The following PCDHGA2 variants were observed in gnomAD, a reference collection of about 807,000 sequenced individuals.
The protein encoded by PCDHGA2 is protocadherin gamma-A2.
PCDHGA2 carries 40 observed loss-of-function variants against 59.2 expected under a neutral mutation model. The observed-to-expected ratio is 0.68, with a 90% CI of 0.52 to 0.88. The LOEUF (loss-of-function observed/expected upper bound fraction) is 0.88, where lower values mean the gene tolerates loss of function less well. PCDHGA2 is among the 40% of genes least tolerant of loss of function. The pLI, the probability that PCDHGA2 is intolerant of heterozygous loss-of-function variation, is 0.00. For synonymous variants in PCDHGA2, 560 were observed against 526.0 expected, an observed-to-expected ratio of 1.06 and a Z score of -0.89; for missense variants, 1,226 against 1,204.0, an observed-to-expected ratio of 1.02 and a Z score of -0.27.
At chr5:141,402,935 T>G in intron 1 of PCDHGA2, 1 of 1,587,712 alleles carries the variant, frequency 6.3e-7, no homozygotes, top group Non-Finnish European at 8.6e-7. Context: ...TTTGAGAAAA[T>G]TCCAAAGCGA....
chr5:141,352,565 G>T (rs1190505525), intron 1 of PCDHGA2: 2 of 1,613,802 alleles, frequency 1.2e-6, no homozygotes, highest in African/African-American at 1.3e-5. Flanking sequence ...CCTGACACCG[G>T]AAATGGCTCC....
rs933089146 is a variant in PCDHGA2, at chr5:141,490,786, A to G, written c.2425-4021A>G. ...GTATGTCAACCCAGAGGATGGACGGATCTTTGCCCAGCGTACCTTTGACTA... is the reference window on the plus strand; with the variant it reads ...GTATGTCAACCCAGAGGATGGACGGGTCTTTGCCCAGCGTACCTTTGACTA... On this transcript the variant is annotated intron_variant, in intron 1 of 3. Coordinates refer to ENST00000394576, the MANE Select transcript of PCDHGA2 (RefSeq NM_018915.4). This position sits in a 1 kb window ranked among gnomAD's most constrained non-coding sequence, Gnocchi z 5.4. The G allele has an allele frequency of 1.9e-6, 3 of 1,614,056 alleles. No individual in the cohort carries two copies. The highest frequency in any genetic ancestry group is 1.7e-5 in the Admixed American group (1 of 60,016).
chr5:141,407,989 T>G, intron 1 of PCDHGA2: 1 of 833,618 alleles, frequency 1.2e-6, no homozygotes, highest in Non-Finnish European at 1.8e-6. Flanking sequence ...TCCGTCAGCC[T>G]CTGGCCTGGG....
At chr5:141,457,532 T>C (rs2098923599) in intron 1 of PCDHGA2, among the ~76,000 whole-genome samples, 1 of 152,058 alleles carries the variant, frequency 6.6e-6, no homozygotes, top group Admixed American at 6.6e-5. Flanking sequence ...GAGACTAGGG[T>C]TTAATGACAA....
In PCDHGA2 at chr5:141,339,541, G is replaced by C; in HGVS notation, c.570G>C (p.Lys190Asn). The stretch of plus-strand genomic sequence containing the variant: ...TGCGAAGGGGAGCTGATGGGAACAA[G>C]TACCCAGAACTGGTGCTGGAGCGCT... ...LDVRRGADGN[K>N]YPELVLERSL... The change falls in exon 1 of 4, where the codon AAG becomes AAC. Residue 190 changes from lysine to asparagine, a missense_variant. By Grantham distance (94) the Lys-to-Asn change is moderately conservative (BLOSUM62 0). Transcript: ENST00000394576. 1 of 1,614,160 alleles carries C rather than the reference G, an allele frequency of 6.2e-7. No individual in the cohort carries two copies. Among genetic ancestry groups the C allele is most frequent in the Non-Finnish European group, 8.5e-7 (1 of 1,180,026 alleles).
At chr5:141,414,009 T>C in intron 1 of PCDHGA2, 1 of 1,612,964 alleles carries the variant, frequency 6.2e-7, no homozygotes, top group Middle Eastern at 1.7e-4. Context: ...AAGGTGCCAA[T>C]GGAGAAGTGA....
intron 1 of PCDHGA2, chr5:141,377,467 A>G (rs1170946460): frequency 1.3e-5 from 2 of 152,076 alleles, no homozygotes; most frequent in Non-Finnish European, 2.9e-5. Context: ...TGTGTGGCGT[A>G]CACCTGTAGT....
chr5:141,366,058 G>C, intron 1 of PCDHGA2: 2 of 1,614,242 alleles, frequency 1.2e-6, no homozygotes, highest in East Asian at 2.2e-5. Flanking sequence ...CGGGCGTGGA[G>C]CTGGCGCCTC....
At position 141,490,475 on chromosome 5, in the gene PCDHGA2, T is replaced by C. The variant is rs769951029; in HGVS notation, c.2425-4332T>C. On this transcript the variant is annotated intron_variant, in intron 1 of 3. Coordinates refer to ENST00000394576, the MANE Select transcript of PCDHGA2 (RefSeq NM_018915.4). This position sits in a 1 kb window ranked among gnomAD's most constrained non-coding sequence, Gnocchi z 5.4. ...TACTCGCTGCTAACCAGCCAGCCTTTGGACCGGGAGGCCACATCCCACTAT... is the reference window on the plus strand; with the variant it reads ...TACTCGCTGCTAACCAGCCAGCCTTCGGACCGGGAGGCCACATCCCACTAT... The C allele has an allele frequency of 3.7e-6, 6 of 1,614,240 alleles. No individual in the cohort carries two copies. The highest frequency in any genetic ancestry group is 5.1e-6 in the Non-Finnish European group (6 of 1,180,038).
chr5:141,355,819 G>A (rs757822946), intron 1 of PCDHGA2: 2 of 1,613,058 alleles, frequency 1.2e-6, no homozygotes, highest in Middle Eastern at 1.6e-4. Context: ...GGAAGAGGCG[G>A]TTCACCACCT....
intron 1 of PCDHGA2, chr5:141,421,788 G>T: frequency 6.2e-7 from 1 of 1,613,800 alleles, no homozygotes; most frequent in Non-Finnish European, 8.5e-7. Flanking sequence ...GGGGCAGAAC[G>T]GATGGGGCCA....
chr5:141,486,725 C>A lies in PCDHGA2; in HGVS notation c.2425-8082C>A. 1 of 1,614,182 alleles carries A rather than the reference C, an allele frequency of 6.2e-7. No individual in the cohort carries two copies. The highest frequency in any genetic ancestry group is 1.1e-5 in the South Asian group (1 of 91,076). On this transcript the variant is annotated intron_variant, in intron 1 of 3. Transcript: ENST00000394576. The surrounding 1 kb of genome is among the most constrained non-coding windows in gnomAD (Gnocchi z 5.0). ...TCTGAACCCCCAGACAGGAGCTGTT[C>A]ATGCTACTCGATCCTTTGACTATGA...
chr5:141,370,923 C>T, intron 1 of PCDHGA2: 3 of 1,614,000 alleles, frequency 1.9e-6, no homozygotes, highest in Non-Finnish European at 2.5e-6. Flanking sequence ...CCCTGATCCG[C>T]ACTTCTCTTT....
intron 1 of PCDHGA2, among the ~76,000 whole-genome samples, chr5:141,426,066 A>T (rs1488003387): frequency 6.6e-6 from 1 of 152,196 alleles, no homozygotes; most frequent in Admixed American, 6.5e-5. Context: ...CAAGAACTGG[A>T]GCCTGGGATC....
chr5:141,363,667 A>G (rs1260972541), intron 1 of PCDHGA2, among the ~76,000 whole-genome samples: 1 of 152,262 alleles, frequency 6.6e-6, no homozygotes, highest in Non-Finnish European at 1.5e-5. Flanking sequence ...TTTCTTCTGC[A>G]TATGACAGCT....
chr5:141,483,432 ACT>A (rs2099581241), intron 1 of PCDHGA2, among the ~76,000 whole-genome samples: 1 of 152,200 alleles, frequency 6.6e-6, no homozygotes, highest in African/African-American at 2.4e-5. Flanking sequence ...GAGGGAGCTG[ACT>A]ACAATAAAAT....
At position 141,476,764 on chromosome 5, in the gene PCDHGA2, G is replaced by A. The variant is rs570982273; in HGVS notation, c.2425-18043G>A. 1.2e-6 allele frequency: 2 copies of A among 1,613,794 alleles called. No homozygotes were observed. Reference sequence around the variant, plus strand: ...CTAGTCTCCAGTTAGTGCTGACGGCGTTGGACGGAGGGACCCCAGCTCTCT... The same window carrying A: ...CTAGTCTCCAGTTAGTGCTGACGGCATTGGACGGAGGGACCCCAGCTCTCT... On this transcript the variant is annotated intron_variant, in intron 1 of 3. Coordinates refer to ENST00000394576, the MANE Select transcript of PCDHGA2 (RefSeq NM_018915.4). The surrounding 1 kb of genome is among the most constrained non-coding windows in gnomAD (Gnocchi z 7.6).
rs751249769 is a variant in PCDHGA2, at chr5:141,340,561, G to A, written c.1590G>A (p.Val530=). 4 of 1,614,250 alleles carry A rather than the reference G, an allele frequency of 2.5e-6. No individual in the cohort carries two copies. The highest frequency in any genetic ancestry group is 2.2e-5 in the East Asian group (1 of 44,880). ...ATGAGCAGTTGCGAGACTTGCAAGT[G>A]TGGGTGATAGCGCGGGACAGCGGGA... ...FDYEQLRDLQ[V]WVIARDSGNP... Residue 530 remains valine, a synonymous_variant, in exon 1 of 4, where the codon GTG becomes GTA. Transcript: ENST00000394576.
intron 2 of PCDHGA2, among the ~76,000 whole-genome samples, chr5:141,501,821 G>A (rs910825533): frequency 1.3e-5 from 2 of 152,028 alleles, no homozygotes; most frequent in Non-Finnish European, 2.9e-5. Context: ...ATAATTGGCA[G>A]CCCACCCACC....
Sources: gnomAD v4.1 joint callset for allele counts (sites outside exome capture counted in the v4.1 genomes callset) on GRCh38, gnomAD v4.1.1 for gene constraint, Gnocchi (gnomAD v3.1) non-coding constraint, MANE v1.5 for transcripts, NCBI Gene and HGNC (gene_info 2026-07-23, HGNC 2026-07-21) for gene names.